DLGAP3: variants seen among roughly 807,000 people sequenced by gnomAD.
The protein encoded by DLGAP3 is DLG associated protein 3.
Under a neutral mutation model 81.2 loss-of-function variants are expected in DLGAP3, and 17 were observed. That is an observed-to-expected ratio of 0.21 (90% confidence interval 0.14 to 0.31). The LOEUF (loss-of-function observed/expected upper bound fraction) is 0.31. Among genes scored for constraint, DLGAP3 ranks in the 10% least tolerant of loss-of-function variants. The probability of loss-of-function intolerance (pLI) is 1.00; values close to 1 mark genes in which losing one functional copy is unlikely to be tolerated. For missense variants in DLGAP3, 1,124 were observed against 1,388.0 expected, an observed-to-expected ratio of 0.81 and a Z score of 3.02; for synonymous variants, 577 against 587.4, an observed-to-expected ratio of 0.98 and a Z score of 0.26.
Position 34,865,671 on chromosome 1 carries a change from T to C in DLGAP3, c.*412A>G, listed in dbSNP as rs1464523917. ...GCTCCTAGGCAGGGTTCGGGATTCT[T>C]CATAAAAAGCCACGAAGCTTGATCC... On this transcript the variant is annotated 3_prime_UTR_variant, in exon 12 of 12. Coordinates refer to ENST00000373347, the MANE Select transcript of DLGAP3 (RefSeq NM_001080418.3). 7.1e-6 allele frequency: 2 copies of C among 283,296 alleles called. No homozygotes were observed. The highest frequency in any genetic ancestry group is 4.8e-5 in the African/African-American group (2 of 41,782). The allele number at this position is 283,296 out of a possible 1,614,324, so 17.5% of individuals were successfully genotyped here. A position where few individuals can be genotyped will look rare whatever the true frequency, so the allele number is the denominator to read the frequency against.
Position 34,868,010 on chromosome 1 carries a change from G to T in DLGAP3, c.2486-383C>A, listed in dbSNP as rs767215798. ...GTTCATCACTCCCCAGTGCATGCAA[G>T]ACTCCTTGGCTCTTTAAGAATGACC... On this transcript the variant is annotated intron_variant, in intron 9 of 11. Coordinates refer to ENST00000373347, the MANE Select transcript of DLGAP3 (RefSeq NM_001080418.3). This position sits in a 1 kb window ranked among gnomAD's most constrained non-coding sequence, Gnocchi z 7.5. Among the ~76,000 whole-genome samples the T allele has an allele frequency of 1.2e-4, 19 of 152,190 alleles. No individual in the cohort carries two copies. Among genetic ancestry groups the T allele is most frequent in the Non-Finnish European group, 2.4e-4 (16 of 68,026 alleles).
intron 8 of DLGAP3, among the ~76,000 whole-genome samples, chr1:34,880,659 A>G (rs964929174): frequency 6.6e-6 from 1 of 152,002 alleles, no homozygotes; most frequent in Non-Finnish European, 1.5e-5. Context: ...AGATCACACC[A>G]CTGCACTCCA....
chr1:34,903,156 C>T (rs1316797526), intron 3 of DLGAP3, among the ~76,000 whole-genome samples: 2 of 152,218 alleles, frequency 1.3e-5, no homozygotes, highest in Non-Finnish European at 2.9e-5. Flanking sequence ...CTTCCCAATA[C>T]ACGTTTAGCC....
In DLGAP3 at chr1:34,895,967, G is replaced by T. The variant is rs1218534902; in HGVS notation, c.1386+3702C>A. On this transcript the variant is annotated intron_variant, in intron 5 of 11. Transcript: ENST00000373347. The surrounding 1 kb of genome is among the most constrained non-coding windows in gnomAD (Gnocchi z 4.5). Reference sequence around the variant, plus strand: ...ACACACACACACACTACTCAAAGTGGGTCATACATCTAAATATAAATGTTA... The same window carrying T: ...ACACACACACACACTACTCAAAGTGTGTCATACATCTAAATATAAATGTTA... Among the ~76,000 whole-genome samples the T allele has an allele frequency of 6.7e-6, 1 of 148,958 alleles. No individual in the cohort carries two copies. Among genetic ancestry groups the T allele is most frequent in the East Asian group, 2.0e-4 (1 of 5,128 alleles).
rs552097335 is a variant in DLGAP3, at chr1:34,905,250, G to T, written c.134C>A (p.Pro45His). 186 of 1,593,864 alleles carry T rather than the reference G, an allele frequency of 1.2e-4. 2 individuals carry two copies. The East Asian group carries it at 3.1e-3, about 27-fold the overall frequency. The part of the protein sequence containing the change: ...LGSREAFSTE[P>H]RFCAPRAGLG... ...GCCAGCTCTCGGGGCACAGAAGCGG[G>T]GCTCGGTGGAGAAGGCCTCCCTGGA... Residue 45 changes from proline to histidine, a missense_variant, in exon 3 of 12, where the codon CCC becomes CAC. Pro to His is a moderately conservative substitution (Grantham distance 77). Around this residue, in one of 9 missense-constraint regions of DLGAP3, gnomAD observed 167 missense variants for 172.1 expected, o/e 0.97. Coordinates refer to ENST00000373347, the MANE Select transcript of DLGAP3 (RefSeq NM_001080418.3).
At position 34,899,700 on chromosome 1, in the gene DLGAP3, G is replaced by A. The variant is rs777062152; in HGVS notation, c.1355C>T (p.Pro452Leu). Residue 452 changes from proline (P) to leucine (L), a missense_variant, in exon 5 of 12, where the codon CCT (proline) becomes CTT (leucine). Transcript: ENST00000373347. ...PPRIHPRSSIPGYSRSLTTGQ... is the reference protein window; with the variant it reads ...PPRIHPRSSILGYSRSLTTGQ... ...AGTGGTGAGGGAACGGCTGTAGCCAGGGATGGAGCTCCGGGGGTGGATCCG... is the reference window on the plus strand; with the variant it reads ...AGTGGTGAGGGAACGGCTGTAGCCAAGGATGGAGCTCCGGGGGTGGATCCG... 6.2e-7 allele frequency: 1 copy of A among 1,614,098 alleles called. No individual in the cohort carries two copies. Among genetic ancestry groups the A allele is most frequent in the Non-Finnish European group, 8.5e-7 (1 of 1,180,030 alleles).
At chr1:34,911,025 C>G (rs1034273320) in intron 1 of DLGAP3, among the ~76,000 whole-genome samples, 1 of 120,980 alleles carries the variant, frequency 8.3e-6, no homozygotes, top group Non-Finnish European at 2.0e-5. Flanking sequence ...ATTATCCACC[C>G]CCCCCCCACC....
In DLGAP3 at chr1:34,885,662, C is replaced by G. The variant is rs965980123; in HGVS notation, c.1730G>C (p.Arg577Pro). Residue 577 changes from arginine (R) to proline (P), a missense_variant, in exon 7 of 12, where the codon CGG becomes CCG. By Grantham distance (103) the Arg-to-Pro change is moderately radical. Around this residue, in one of 9 missense-constraint regions of DLGAP3, gnomAD observed 379 missense variants for 455.7 expected, o/e 0.83. Transcript: ENST00000373347. The part of the protein sequence containing the change: ...ESFTAAEGPA[R>P]RCSSADGLDG... ...CAGCCCGTCGGCGGAGCTGCAGCGCCGGGCGGGGCCCTCGGCCGCCGTGAA... is the reference window on the plus strand; with the variant it reads ...CAGCCCGTCGGCGGAGCTGCAGCGCGGGGCGGGGCCCTCGGCCGCCGTGAA... 1.4e-6 allele frequency: 2 copies of G among 1,416,224 alleles called. No individual in the cohort carries two copies. Among genetic ancestry groups the G allele is most frequent in the Non-Finnish European group, 1.8e-6 (2 of 1,094,112 alleles). 87.7% of individuals were successfully genotyped at this position (1,416,224 alleles called of 1,614,324 possible).
Position 34,873,653 on chromosome 1 carries a change from C to T in DLGAP3, c.2001-4564G>A, listed in dbSNP as rs893281758. The stretch of plus-strand genomic sequence containing the variant: ...TCGGAATGTAGCACTGAGAACCCGG[C>T]TAGGGCATTGTAGTTATTAATTATT... On this transcript the variant is annotated intron_variant, in intron 8 of 11. Transcript: ENST00000373347. This position sits in a 1 kb window ranked among gnomAD's most constrained non-coding sequence, Gnocchi z 4.2. Among the ~76,000 whole-genome samples, 2 of 152,190 alleles carry T rather than the reference C, an allele frequency of 1.3e-5. No individual in the cohort carries two copies. Among genetic ancestry groups the T allele is most frequent in the African/African-American group, 4.8e-5 (2 of 41,436 alleles).
chr1:34,916,691 ATTTTATTTTATTTTATTT>A (rs1639722967), intron 1 of DLGAP3, among the ~76,000 whole-genome samples: 1 of 48,144 alleles, frequency 2.1e-5, no homozygotes, highest in Non-Finnish European at 5.6e-5. Flanking sequence ...ATTTTATTTT[ATTTTATTTTATTTTATTT>A]ATTTAGAGAC....
In DLGAP3 at chr1:34,885,702, A is replaced by C; in HGVS notation, c.1690T>G (p.Ser564Ala). 1 of 1,416,426 alleles carries C rather than the reference A, an allele frequency of 7.1e-7. No homozygotes were observed. Among genetic ancestry groups the C allele is most frequent in the Non-Finnish European group, 9.1e-7 (1 of 1,095,822 alleles). The allele number at this position is 1,416,426 out of a possible 1,614,324, so 87.7% of individuals were successfully genotyped here. ...GCCGCCGTGAAGCTCTCGTGCGCGG[A>C]GTCGGTGCTGCTCTGGGCGGTGATG... ...ISITAQSSTDSAHESFTAAEG... is the reference protein window; with the variant it reads ...ISITAQSSTDAAHESFTAAEG... Residue 564 changes from serine to alanine, a missense_variant, in exon 7 of 12, where the codon TCC becomes GCC. By Grantham distance (99) the Ser-to-Ala change is moderately conservative. Transcript: ENST00000373347.
In DLGAP3 at chr1:34,868,912, T is replaced by C. The variant is rs768833299; in HGVS notation, c.2178A>G (p.Ser726=). The part of the protein sequence containing the change: ...PQPGPRAPTY[S]VFRTVHTQGQ... ...CCTGCGTGTGGACCGTGCGGAAGAC[T>C]GAGTAGGTGGGGGCCCGGGGCCCAG... Residue 726 remains serine, a synonymous_variant, in exon 9 of 12, where the codon TCA becomes TCG. Transcript: ENST00000373347. The surrounding 1 kb of genome is among the most constrained non-coding windows in gnomAD (Gnocchi z 7.5). 5.6e-6 allele frequency: 9 copies of C among 1,607,622 alleles called. No individual in the cohort carries two copies. The highest frequency in any genetic ancestry group is 1.6e-4 in the Middle Eastern group (1 of 6,082).
In DLGAP3 at chr1:34,866,376, G is replaced by A. The variant is rs555033877; in HGVS notation, c.2722-75C>T. ...CCCAGGTGTCCGCCCCCGCACCCCC[G>A]CGCCCAGAGTGCTGACGACCGCGTG... On this transcript the variant is annotated intron_variant, in intron 11 of 11. Coordinates refer to ENST00000373347, the MANE Select transcript of DLGAP3 (RefSeq NM_001080418.3). 67 of 1,279,154 alleles carry A rather than the reference G, an allele frequency of 5.2e-5. No individual in the cohort carries two copies. The Admixed American group carries it at 9.0e-4, about 17-fold the overall frequency. 79.2% of individuals were successfully genotyped at this position (1,279,154 alleles called of 1,614,324 possible). A position where few individuals can be genotyped will look rare whatever the true frequency, so the allele number is the denominator to read the frequency against.
intron 1 of DLGAP3, among the ~76,000 whole-genome samples, chr1:34,919,605 C>T (rs1639768170): frequency 1.3e-5 from 2 of 152,038 alleles, no homozygotes; most frequent in African/African-American, 2.4e-5. Flanking sequence ...ATGGTGAAAT[C>T]CCCATATCTA....
chr1:34,928,924 C>G (rs571653211), intron 1 of DLGAP3, among the ~76,000 whole-genome samples: 1 of 152,056 alleles, frequency 6.6e-6, no homozygotes, highest in Non-Finnish European at 1.5e-5. Flanking sequence ...TGCATACACC[C>G]ACTAACATGC....
chr1:34,906,901 CA>C (rs1639564227), intron 2 of DLGAP3, among the ~76,000 whole-genome samples: 2 of 152,192 alleles, frequency 1.3e-5, no homozygotes, highest in Admixed American at 1.3e-4. Flanking sequence ...GGAGCTACGG[CA>C]GGAGGGAGTG....
At position 34,904,578 on chromosome 1, in the gene DLGAP3, C is replaced by T. The variant is rs372501031; in HGVS notation, c.806G>A (p.Ser269Asn). 2 of 1,614,134 alleles carry T rather than the reference C, an allele frequency of 1.2e-6. No individual in the cohort carries two copies. Among genetic ancestry groups the T allele is most frequent in the Non-Finnish European group, 1.7e-6 (2 of 1,180,048 alleles). ...GWWSSDDNLD[S>N]DSGFLAGGRP... ...CCCACCCGCCAGGAAGCCGCTATCA[C>T]TGTCCAAGTTGTCATCGGAACTCCA... Residue 269 changes from serine (S) to asparagine (N), a missense_variant, in exon 3 of 12, where the codon AGT becomes AAT. This residue lies in a region of DLGAP3 where 357 missense variants were observed against 408.8 expected (regional missense o/e 0.87). Transcript: ENST00000373347. The surrounding 1 kb of genome is among the most constrained non-coding windows in gnomAD (Gnocchi z 8.1).
intron 5 of DLGAP3, among the ~76,000 whole-genome samples, chr1:34,892,534 AC>A (rs1347242098): frequency 2.6e-5 from 4 of 152,230 alleles, no homozygotes; most frequent in Middle Eastern, 3.4e-3. Flanking sequence ...ATGAGGTCTC[AC>A]TATGTTGCCC....
chr1:34,919,995 G>A (rs1639773318), intron 1 of DLGAP3, among the ~76,000 whole-genome samples: 1 of 152,146 alleles, frequency 6.6e-6, no homozygotes, highest in Admixed American at 6.5e-5. Flanking sequence ...AAGTGGAGCA[G>A]GAGAAGAAGG....
Sources: gnomAD v4.1 joint callset for allele counts (sites outside exome capture counted in the v4.1 genomes callset) on GRCh38, gnomAD v4.1.1 for gene constraint, gnomAD v4.1.1 regional missense constraint, Gnocchi (gnomAD v3.1) non-coding constraint, MANE v1.5 for transcripts, NCBI Gene and HGNC (gene_info 2026-07-23, HGNC 2026-07-21) for gene names.